TMCC1: variants seen among roughly 807,000 people sequenced by gnomAD.
The protein encoded by TMCC1 is transmembrane and coiled-coil domain family 1.
In TMCC1, 15 loss-of-function variants were observed where a neutral mutation model predicts 52.4. The observed-to-expected ratio is 0.29, with a 90% CI of 0.19 to 0.44. The LOEUF (loss-of-function observed/expected upper bound fraction) is 0.44. TMCC1 is among the 20% of genes least tolerant of loss of function. The probability of loss-of-function intolerance (pLI) is 1.00; values close to 1 mark genes in which losing one functional copy is unlikely to be tolerated. For missense variants in TMCC1, 503 were observed against 806.0 expected (o/e 0.62, Z 4.55); for synonymous variants, 279 against 301.9 (o/e 0.92, Z 0.79).
chr3:129,662,331 C>A (rs922625766), intron 5 of TMCC1, among the ~76,000 whole-genome samples: 6 of 152,128 alleles, frequency 3.9e-5, no homozygotes, highest in African/African-American at 1.4e-4. Flanking sequence ...ATAGTACAGC[C>A]TATGATACAC....
chr3:129,738,414 T>G (rs1197112199), intron 4 of TMCC1, among the ~76,000 whole-genome samples: 1 of 152,228 alleles, frequency 6.6e-6, no homozygotes, highest in Non-Finnish European at 1.5e-5. Context: ...ATTCCTGGAA[T>G]AGATCTTCAT....
At chr3:129,784,592 T>C (rs1486796398) in intron 4 of TMCC1, among the ~76,000 whole-genome samples, 1 of 148,158 alleles carries the variant, frequency 6.7e-6, no homozygotes, top group Non-Finnish European at 1.5e-5. Flanking sequence ...TAAAAATATA[T>C]AGTATGTAAG....
chr3:129,859,659 C>T (rs1271190776), intron 2 of TMCC1, among the ~76,000 whole-genome samples: 5 of 3,264 alleles, frequency 1.5e-3, no homozygotes, highest in African/African-American at 2.1e-3. Context: ...CATACACACA[C>T]ACACACACAC....
intron 2 of TMCC1, among the ~76,000 whole-genome samples, chr3:129,865,356 G>C (rs888580637): frequency 2.0e-5 from 3 of 149,096 alleles, no homozygotes; most frequent in African/African-American, 5.0e-5. Context: ...TTGCCATGTT[G>C]CCCAGGCTTG....
intron 4 of TMCC1, among the ~76,000 whole-genome samples, chr3:129,730,938 C>T (rs529909076): frequency 6.6e-6 from 1 of 152,188 alleles, no homozygotes; most frequent in Admixed American, 6.5e-5. Context: ...TTCTACCAAA[C>T]ATTCATTACA....
chr3:129,874,999 G>A (rs1304507500), intron 2 of TMCC1, among the ~76,000 whole-genome samples: 7 of 151,880 alleles, frequency 4.6e-5, no homozygotes, highest in South Asian at 2.1e-4. Context: ...TTAAGTTGTC[G>A]GAAAGGAAAA....
intron 4 of TMCC1, among the ~76,000 whole-genome samples, chr3:129,784,476 G>A (rs2055817315): frequency 6.6e-6 from 1 of 151,916 alleles, no homozygotes; most frequent in Admixed American, 6.5e-5. Flanking sequence ...TGTGGCAGGA[G>A]AATGGCTTGA....
chr3:129,676,454 T>C (rs1033673782), intron 4 of TMCC1, among the ~76,000 whole-genome samples: 6 of 152,198 alleles, frequency 3.9e-5, no homozygotes, highest in African/African-American at 1.4e-4. Flanking sequence ...AAGAGATAGT[T>C]TGTCAGACTT....
intron 4 of TMCC1, among the ~76,000 whole-genome samples, chr3:129,713,131 G>A (rs985877457): frequency 2.0e-5 from 3 of 152,080 alleles, no homozygotes; most frequent in African/African-American, 7.2e-5. Context: ...TTGTAGCGGT[G>A]CACACCTGCA....
At chr3:129,678,804 G>T (rs1576417542) in intron 4 of TMCC1, among the ~76,000 whole-genome samples, 2 of 152,190 alleles carry the variant, frequency 1.3e-5, no homozygotes, top group East Asian at 3.8e-4. Flanking sequence ...TCTGAACCCA[G>T]ATAGTCTAGC....
chr3:129,841,404 T>C (rs2059417366), intron 2 of TMCC1, among the ~76,000 whole-genome samples: 1 of 152,148 alleles, frequency 6.6e-6, no homozygotes, highest in Admixed American at 6.5e-5. Flanking sequence ...CTGGCCAATA[T>C]GGTGAAACTC....
intron 4 of TMCC1, among the ~76,000 whole-genome samples, chr3:129,761,314 C>G (rs1316635884): frequency 7.7e-5 from 9 of 116,756 alleles, no homozygotes; most frequent in African/African-American, 3.1e-4. Flanking sequence ...GGCGACAGAG[C>G]GAGACTCCGT....
chr3:129,740,674 T>C lies in TMCC1; in HGVS notation c.577-69410A>G, dbSNP rs185098920. Among the ~76,000 whole-genome samples the C allele has an allele frequency of 9.1e-4, 139 of 152,268 alleles. 1 individual carries two copies. Among genetic ancestry groups the C allele is most frequent in the South Asian group, 7.5e-3 (36 of 4,828 alleles). Reference sequence around the variant, plus strand: ...CGGTGGGGTGAGAAGAGTATAAATATGAGAACCAATTCTAAGAAATGATTT... The same window carrying C: ...CGGTGGGGTGAGAAGAGTATAAATACGAGAACCAATTCTAAGAAATGATTT... On this transcript the variant is annotated intron_variant, in intron 4 of 6. Coordinates refer to ENST00000393238, the MANE Select transcript of TMCC1 (RefSeq NM_001017395.5).
At chr3:129,808,279 T>C (rs1422902762) in intron 4 of TMCC1, among the ~76,000 whole-genome samples, 1 of 151,972 alleles carries the variant, frequency 6.6e-6, no homozygotes, top group Admixed American at 6.6e-5. Flanking sequence ...GGTCAGGAGT[T>C]TGAGACCAGC....
chr3:129,713,726 G>GAA (rs1181109192), intron 4 of TMCC1, among the ~76,000 whole-genome samples: 6 of 131,508 alleles, frequency 4.6e-5, no homozygotes, highest in Non-Finnish European at 9.9e-5. Context: ...AAAAAAAAAA[G>GAA]AAAAAAAAAA....
chr3:129,805,913 C>T (rs2057433983), intron 4 of TMCC1, among the ~76,000 whole-genome samples: 1 of 151,852 alleles, frequency 6.6e-6, no homozygotes, highest in African/African-American at 2.4e-5. Context: ...GCCTGGGCCA[C>T]AGAGTAAGAC....
At chr3:129,766,984 G>A (rs1194530470) in intron 4 of TMCC1, among the ~76,000 whole-genome samples, 9 of 151,686 alleles carry the variant, frequency 5.9e-5, no homozygotes, top group Admixed American at 3.3e-4. Context: ...ATTCATGGCC[G>A]GGCACAGTGG....
chr3:129,799,775 G>A (rs1433965198), intron 4 of TMCC1, among the ~76,000 whole-genome samples: 1 of 152,168 alleles, frequency 6.6e-6, no homozygotes, highest in Non-Finnish European at 1.5e-5. Context: ...TCATGCCACT[G>A]CACTCCAGCC....
chr3:129,677,702 A>G (rs2088577758), intron 4 of TMCC1, among the ~76,000 whole-genome samples: 1 of 152,222 alleles, frequency 6.6e-6, no homozygotes, highest in Non-Finnish European at 1.5e-5. Flanking sequence ...GCTGGTTGTC[A>G]TGGCTTGTTA....
Sources: allele counts gnomAD v4.1 joint callset (sites outside exome capture counted in the v4.1 genomes callset), GRCh38; gene constraint gnomAD v4.1.1; transcripts MANE v1.5; gene names NCBI Gene and HGNC (gene_info 2026-07-23, HGNC 2026-07-21).